SNAP91: variants seen among roughly 807,000 people sequenced by gnomAD.
The protein encoded by SNAP91 is clathrin coat assembly protein AP180.
In SNAP91, 27 loss-of-function variants were observed where a neutral mutation model predicts 100.3. That is an observed-to-expected ratio of 0.27 (90% CI 0.20 to 0.37). SNAP91 has a LOEUF of 0.37. Ranked by LOEUF, SNAP91 falls within the 10% of genes least tolerant of loss-of-function variation. SNAP91 has a pLI of 1.00. For synonymous variants in SNAP91, 404 were observed against 398.6 expected (o/e 1.01, Z -0.16); for missense variants, 986 against 1,123.7 (o/e 0.88, Z 1.75).
At chr6:83,669,171 T>C (rs1420930137) in intron 2 of SNAP91, among the ~76,000 whole-genome samples, 1 of 152,094 alleles carries the variant, frequency 6.6e-6, no homozygotes, top group Non-Finnish European at 1.5e-5. Flanking sequence ...TGGCCATCTG[T>C]ATACCTAGAA....
At chr6:83,681,454 C>A (rs1488755266) in intron 2 of SNAP91, among the ~76,000 whole-genome samples, 1 of 152,150 alleles carries the variant, frequency 6.6e-6, no homozygotes, top group African/African-American at 2.4e-5. Flanking sequence ...CATTTCTCTT[C>A]AACTCTTTTC....
chr6:83,703,066 C>T (rs143203533), intron 2 of SNAP91, among the ~76,000 whole-genome samples: 1 of 151,944 alleles, frequency 6.6e-6, no homozygotes, highest in Non-Finnish European at 1.5e-5. Context: ...AGAAGTGCAT[C>T]TCCCCCATCT....
chr6:83,628,135 C>T lies in SNAP91; in HGVS notation c.766-4793G>A, dbSNP rs1350932620. 2.0e-5 allele frequency among the ~76,000 whole-genome samples: 3 copies of T among 151,222 alleles called. No individual in the cohort carries two copies. The Admixed American group carries it at 2.0e-4, about 10-fold the overall frequency. On this transcript the variant is annotated intron_variant, in intron 8 of 29. Coordinates refer to ENST00000369694, the MANE Select transcript of SNAP91 (RefSeq NM_001242792.2). ...GGTTTTCCATTCCTGAGTTACTTCA[C>T]TTAGAATAACAGTCTCCAATCTAAT... is the stretch of plus-strand genomic sequence containing the variant.
intron 8 of SNAP91, among the ~76,000 whole-genome samples, chr6:83,636,098 G>T (rs1446850849): frequency 6.6e-6 from 1 of 152,146 alleles, no homozygotes; most frequent in Non-Finnish European, 1.5e-5. Flanking sequence ...CTGCCATTAA[G>T]ATTTTTTCTT....
At chr6:83,702,264 T>C (rs565882067) in intron 2 of SNAP91, among the ~76,000 whole-genome samples, 2 of 152,290 alleles carry the variant, frequency 1.3e-5, no homozygotes, top group East Asian at 1.9e-4. Flanking sequence ...AATACAACTC[T>C]GTAAGGAAAG....
Position 83,688,669 on chromosome 6 carries a change from A to G in SNAP91, c.130+19129T>C, listed in dbSNP as rs1474380329. 2.6e-5 allele frequency among the ~76,000 whole-genome samples: 4 copies of G among 152,134 alleles called. No homozygotes were observed. In the East Asian group the frequency reaches 7.7e-4, roughly 29 times the overall value. Reference sequence around the variant, plus strand: ...CAGACATATGTTATCACACCCAGCTAAATTTTTTTATTTTTGGTAGAGACG... The same window carrying G: ...CAGACATATGTTATCACACCCAGCTGAATTTTTTTATTTTTGGTAGAGACG... On this transcript the variant is annotated intron_variant, in intron 2 of 29. Transcript: ENST00000369694.
intron 2 of SNAP91, 82 bp from the exon 3 acceptor site, chr6:83,665,663 T>C: frequency 8.3e-7 from 1 of 1,199,584 alleles, no homozygotes; most frequent in Non-Finnish European, 1.2e-6. Flanking sequence ...TATAAGCCTG[T>C]TTACTAATAT....
At chr6:83,597,316 C>T (rs756142589) in intron 16 of SNAP91, among the ~76,000 whole-genome samples, 3 of 152,100 alleles carry the variant, frequency 2.0e-5, no homozygotes, top group Non-Finnish European at 2.9e-5. Context: ...CTCAGTCAGC[C>T]ACCAGAACTG....
chr6:83,578,353 G>A (rs1822732487), intron 24 of SNAP91, among the ~76,000 whole-genome samples: 1 of 152,106 alleles, frequency 6.6e-6, no homozygotes, highest in Non-Finnish European at 1.5e-5. Context: ...TGGGTTTCAA[G>A]TTTTCCATAT....
At chr6:83,697,983 A>G (rs2099242315) in intron 2 of SNAP91, among the ~76,000 whole-genome samples, 4 of 152,158 alleles carry the variant, frequency 2.6e-5, no homozygotes, top group African/African-American at 9.7e-5. Flanking sequence ...TATGAAAGAA[A>G]CAAATGCACA....
At chr6:83,659,217 G>T in intron 5 of SNAP91, 125 bp from the exon 6 acceptor site, 1 of 704,728 alleles carries the variant, frequency 1.4e-6, no homozygotes, top group Non-Finnish European at 2.3e-6. Context: ...GGATCAATTT[G>T]AGGTATTACA....
chr6:83,567,662 C>A (rs903804808), intron 26 of SNAP91, among the ~76,000 whole-genome samples: 6 of 152,076 alleles, frequency 3.9e-5, no homozygotes, highest in African/African-American at 1.4e-4. Context: ...AAGAAAAAAA[C>A]AAACAACCCC....
At chr6:83,579,511 C>T (rs1283531591) in intron 24 of SNAP91, among the ~76,000 whole-genome samples, 2 of 152,168 alleles carry the variant, frequency 1.3e-5, no homozygotes, top group Non-Finnish European at 2.9e-5. Context: ...AAGTCTGTAT[C>T]GTGATTTGCT....
At chr6:83,616,911 C>A in intron 10 of SNAP91, 58 bp downstream of exon 10, 1 of 1,122,518 alleles carries the variant, frequency 8.9e-7, no homozygotes, top group South Asian at 1.4e-5. Context: ...AAATCTCATT[C>A]TTAGAAGAAC....
rs114540315 is a variant in SNAP91 at position 83,583,142 on chromosome 6, G to T, written c.2015-786C>A. Reference sequence around the variant, plus strand: ...CCGCCACTCGCAGTGTCAGATGCCTGCTCTGGGAGGACTTCCTTGCCCTCA... The same window carrying T: ...CCGCCACTCGCAGTGTCAGATGCCTTCTCTGGGAGGACTTCCTTGCCCTCA... On this transcript the variant is annotated intron_variant, in intron 22 of 29. Coordinates refer to ENST00000369694, the MANE Select transcript of SNAP91 (RefSeq NM_001242792.2). Among the ~76,000 whole-genome samples the T allele has an allele frequency of 4.2e-3, 643 of 152,236 alleles. 6 individuals are homozygous for T. The highest frequency in any genetic ancestry group is 0.014 in the African/African-American group (599 of 41,532).
intron 2 of SNAP91, among the ~76,000 whole-genome samples, chr6:83,676,014 G>A (rs1017738128): frequency 5.3e-5 from 8 of 151,750 alleles, no homozygotes; most frequent in African/African-American, 1.9e-4. Context: ...GGGAGGCTGA[G>A]GTGGGAAGAT....
At chr6:83,610,484 G>T (rs1342064192) in intron 12 of SNAP91, among the ~76,000 whole-genome samples, 166 bp downstream of exon 12, 1 of 150,160 alleles carries the variant, frequency 6.7e-6, no homozygotes, top group Non-Finnish European at 1.5e-5. Flanking sequence ...TTGTTTAATG[G>T]TATAGTTACA....
chr6:83,561,729 G>A (rs1463612622), intron 26 of SNAP91, among the ~76,000 whole-genome samples: 2 of 152,182 alleles, frequency 1.3e-5, no homozygotes, highest in Non-Finnish European at 2.9e-5. Context: ...TTTTTAGGTG[G>A]ATGTGGTGGC....
chr6:83,591,244 A>G lies in SNAP91; in HGVS notation c.1981T>C (p.Ser661Pro). ...AGGTCTGCCGATGCTGATGAACTAG[A>G]AGCAGCCTGAGATGCAGGTTGGGGT... is the stretch of plus-strand genomic sequence containing the variant. ...SEPQPASQAA[S>P]SSSASADLLA... Residue 661 changes from serine (S) to proline (P), a missense_variant, in exon 22 of 30, where the codon TCT (serine) becomes CCT (proline). Ser to Pro is a moderately conservative substitution (Grantham distance 74). Around this residue, in one of 4 missense-constraint regions of SNAP91, gnomAD observed 575 missense variants for 579.9 expected, o/e 0.99. Coordinates refer to ENST00000369694, the MANE Select transcript of SNAP91 (RefSeq NM_001242792.2). 6.2e-7 allele frequency: 1 copy of G among 1,612,848 alleles called. No homozygotes were observed. The highest frequency in any genetic ancestry group is 8.5e-7 in the Non-Finnish European group (1 of 1,179,022).
Sources: allele counts gnomAD v4.1 joint callset (sites outside exome capture counted in the v4.1 genomes callset), GRCh38; gene constraint gnomAD v4.1.1; regional missense constraint gnomAD v4.1.1; transcripts MANE v1.5; gene names NCBI Gene and HGNC (gene_info 2026-07-23, HGNC 2026-07-21).